The following ZNF211 variants were observed in gnomAD, a reference collection of about 807,000 sequenced individuals.
ZNF211 encodes the protein zinc finger protein C2H2-25.
A neutral mutation model predicts 12.1 loss-of-function variants in ZNF211; 18 were observed. That is an observed-to-expected ratio of 1.48 (90% CI 1.03 to 2.20). ZNF211 has a LOEUF of 2.20. ZNF211 is among the 30% of genes most tolerant of loss of function. ZNF211 has a pLI of 0.00. For synonymous variants in ZNF211, 249 were observed against 246.0 expected, an observed-to-expected ratio of 1.01 and a Z score of -0.11; for missense variants, 677 against 703.1, an observed-to-expected ratio of 0.96 and a Z score of 0.42.
chr19:57,636,178 T>A (rs73064519), intron 3 of ZNF211, among the ~76,000 whole-genome samples: 8,664 of 152,262 alleles, frequency 0.057, 333 homozygotes, highest in South Asian at 0.098. Context: ...AAATGTTTTC[T>A]CTTATTCTGT....
rs1052996049 is a variant in ZNF211 at position 57,643,674 on chromosome 19, CATT to C, written c.*1496_*1498del. ...GGGTTACCAAACCTAGTCAAAAACACATTATACCATCATTATAATTATTACAAT... is the reference window on the plus strand; with the variant it reads ...GGGTTACCAAACCTAGTCAAAAACACATACCATCATTATAATTATTACAAT... On this transcript the variant is annotated 3_prime_UTR_variant, in exon 4 of 4. Transcript: ENST00000240731. 1.8e-4 allele frequency among the ~76,000 whole-genome samples: 27 copies of C among 152,162 alleles called. No individual in the cohort carries two copies. The highest frequency in any genetic ancestry group is 6.3e-4 in the African/African-American group (26 of 41,440).
chr19:57,642,159 T>G lies in ZNF211; in HGVS notation c.1712T>G (p.Val571Gly). 1 of 1,608,628 alleles carries G rather than the reference T, an allele frequency of 6.2e-7. No individual in the cohort carries two copies. The highest frequency in any genetic ancestry group is 8.5e-7 in the Non-Finnish European group (1 of 1,176,442). ...CKSVLIQHQRVHIGEKP is the reference protein window; with the variant it reads ...CKSVLIQHQRGHIGEKP Reference sequence around the variant, plus strand: ...TCTGTCCTCATTCAACACCAGAGAGTTCACATTGGAGAAAAGCCTTAGCTG... The same window carrying G: ...TCTGTCCTCATTCAACACCAGAGAGGTCACATTGGAGAAAAGCCTTAGCTG... Residue 571 changes from valine to glycine, a missense_variant, in exon 4 of 4, where the codon GTT becomes GGT. Transcript: ENST00000240731.
At position 57,633,284 on chromosome 19, in the gene ZNF211, G is replaced by T. The variant is rs1282024140; in HGVS notation, c.-63G>T. 12 of 1,414,828 alleles carry T rather than the reference G, an allele frequency of 8.5e-6. No individual in the cohort carries two copies. The highest frequency in any genetic ancestry group is 1.1e-5 in the Non-Finnish European group (12 of 1,063,998). 87.6% of individuals were successfully genotyped at this position (1,414,828 alleles called of 1,614,324 possible). A position where few individuals can be genotyped will look rare whatever the true frequency, so the allele number is the denominator to read the frequency against. On this transcript the variant is annotated 5_prime_UTR_variant, in exon 1 of 4. Coordinates refer to ENST00000240731, the MANE Select transcript of ZNF211 (RefSeq NM_006385.5). ...GGGATCGAAGTGACGGACCGTGAAGGCGCGAGAGTCAGGTCTGAGGGTCGG... is the reference window on the plus strand; with the variant it reads ...GGGATCGAAGTGACGGACCGTGAAGTCGCGAGAGTCAGGTCTGAGGGTCGG...
Position 57,633,324 on chromosome 19 carries a change from G to T in ZNF211, c.-23G>T. 1 of 1,551,136 alleles carries T rather than the reference G, an allele frequency of 6.4e-7. No individual in the cohort carries two copies. Among genetic ancestry groups the T allele is most frequent in the Non-Finnish European group, 8.7e-7 (1 of 1,151,906 alleles). On this transcript the variant is annotated 5_prime_UTR_variant, in exon 1 of 4. Transcript: ENST00000240731. ...CTGAGGGTCGGGGGCAGAGCCGCCC[G>T]CGAGGCCGGCCTGGGGATAGCGATG...
At chr19:57,635,303 C>T (rs1046404637) in intron 3 of ZNF211, among the ~76,000 whole-genome samples, 6 of 152,166 alleles carry the variant, frequency 3.9e-5, no homozygotes, top group African/African-American at 1.4e-4. Flanking sequence ...TATAGTTCAG[C>T]GCATTTAGTA....
chr19:57,639,918 T>C (rs4801508), intron 3 of ZNF211: 245,517 of 1,534,556 alleles, frequency 0.16, 20,646 homozygotes, highest in East Asian at 0.3. Context: ...TTAGGACTTA[T>C]ATCATCCTGG....
intron 3 of ZNF211, among the ~76,000 whole-genome samples, chr19:57,636,064 T>C (rs915005524): frequency 9.2e-5 from 14 of 152,160 alleles, no homozygotes; most frequent in African/African-American, 3.1e-4. Flanking sequence ...ATTTTTAAAT[T>C]AGGTTTTATT....
chr19:57,637,077 T>G (rs1599958663), intron 3 of ZNF211, among the ~76,000 whole-genome samples: 1 of 152,248 alleles, frequency 6.6e-6, no homozygotes, highest in African/African-American at 2.4e-5. Context: ...TTATTAGTTG[T>G]AACAGTTTTT....
rs1349157467 is a variant in ZNF211, at chr19:57,633,979, C to T, written c.91-44C>T. ...ACAGGGAAGGCCTGTGCCCATGGAG[C>T]ACTGCCATGATCACATTCCTCTGAG... On this transcript the variant is annotated intron_variant, in intron 1 of 3. Coordinates refer to ENST00000240731, the MANE Select transcript of ZNF211 (RefSeq NM_006385.5). The T allele has an allele frequency of 1.9e-6, 3 of 1,597,400 alleles. No homozygotes were observed. The African/African-American group carries it at 4.0e-5, about 21-fold the overall frequency.
At chr19:57,639,838 C>T in intron 3 of ZNF211, 1 of 1,395,160 alleles carries the variant, frequency 7.2e-7, no homozygotes, top group Non-Finnish European at 9.5e-7. Context: ...ACTTCTTTAA[C>T]TTTCCTTGTT....
In ZNF211 at chr19:57,633,280, G is replaced by C; in HGVS notation, c.-67G>C. ...CATCGGGATCGAAGTGACGGACCGT[G>C]AAGGCGCGAGAGTCAGGTCTGAGGG... On this transcript the variant is annotated 5_prime_UTR_variant, in exon 1 of 4. Coordinates refer to ENST00000240731, the MANE Select transcript of ZNF211 (RefSeq NM_006385.5). 7.1e-7 allele frequency: 1 copy of C among 1,404,106 alleles called. No homozygotes were observed. The highest frequency in any genetic ancestry group is 1.4e-5 in the African/African-American group (1 of 69,162). 87.0% of individuals were successfully genotyped at this position (1,404,106 alleles called of 1,614,324 possible).
rs1568648558 is a variant in ZNF211, at chr19:57,643,026, CT to C, written c.*846del. ...ACTGGATGCAAGGATTTTTTGTGGG[CT>C]CAAAGGACACCCTGAGGAAGTGGGA... On this transcript the variant is annotated 3_prime_UTR_variant, in exon 4 of 4. Transcript: ENST00000240731. Among the ~76,000 whole-genome samples, 1 of 151,992 alleles carries C rather than the reference CT, an allele frequency of 6.6e-6. No individual in the cohort carries two copies. Among genetic ancestry groups the C allele is most frequent in the Non-Finnish European group, 1.5e-5 (1 of 67,992 alleles).
Position 57,642,268 on chromosome 19 carries a change from C to A in ZNF211, c.*87C>A. 1 of 1,416,798 alleles carries A rather than the reference C, an allele frequency of 7.1e-7. No individual in the cohort carries two copies. The highest frequency in any genetic ancestry group is 1.4e-5 in the South Asian group (1 of 71,180). The allele number at this position is 1,416,798 out of a possible 1,614,324, so 87.8% of individuals were successfully genotyped here. ...AGAGACAAGTACCTGATTTGGAAGC[C>A]CCAACATCTAAGGATATACAGTGGG... On this transcript the variant is annotated 3_prime_UTR_variant, in exon 4 of 4. Transcript: ENST00000240731.
chr19:57,640,083 G>A (rs765220611), intron 3 of ZNF211: 36 of 1,533,016 alleles, frequency 2.3e-5, no homozygotes, highest in South Asian at 2.3e-4. Context: ...TGTTTAAATT[G>A]CACCAGGAAC....
At chr19:57,640,293 A>G (rs1269907730) in intron 3 of ZNF211, among the ~76,000 whole-genome samples, 1 of 152,066 alleles carries the variant, frequency 6.6e-6, no homozygotes, top group Non-Finnish European at 1.5e-5. Context: ...AGTGTTCTTT[A>G]ATATTATTTT....
At chr19:57,637,016 G>A (rs955491679) in intron 3 of ZNF211, among the ~76,000 whole-genome samples, 1 of 152,126 alleles carries the variant, frequency 6.6e-6, no homozygotes, top group African/African-American at 2.4e-5. Context: ...GTATAGAAAC[G>A]TAACTGATTT....
Position 57,643,081 on chromosome 19 carries a change from A to G in ZNF211, c.*900A>G, listed in dbSNP as rs968651509. 1.5e-4 allele frequency among the ~76,000 whole-genome samples: 23 copies of G among 152,226 alleles called. No homozygotes were observed. The highest frequency in any genetic ancestry group is 5.3e-4 in the African/African-American group (22 of 41,556). ...TGTGACAAATTCCATTGCTTCTGGG[A>G]ACAAGATGAATTTTGTTGTTATTCA... On this transcript the variant is annotated 3_prime_UTR_variant, in exon 4 of 4. Transcript: ENST00000240731.
chr19:57,637,491 G>A (rs765787332), intron 3 of ZNF211, among the ~76,000 whole-genome samples: 1 of 152,158 alleles, frequency 6.6e-6, no homozygotes, highest in Non-Finnish European at 1.5e-5. Context: ...CTGGCCGCAA[G>A]CGATCCTCCT....
rs909308187 is a variant in ZNF211 at position 57,643,963 on chromosome 19, C to G, written c.*1782C>G. Among the ~76,000 whole-genome samples the G allele has an allele frequency of 6.6e-6, 1 of 152,068 alleles. No individual in the cohort carries two copies. Among genetic ancestry groups the G allele is most frequent in the African/African-American group, 2.4e-5 (1 of 41,418 alleles). ...GAGTGGTATATTTTTTATGGATATA[C>G]TATTTGTTATCCATTTGTTTATAAG... is the stretch of plus-strand genomic sequence containing the variant. On this transcript the variant is annotated 3_prime_UTR_variant, in exon 4 of 4. Transcript: ENST00000240731.
Sources: gnomAD v4.1 joint callset for allele counts (sites outside exome capture counted in the v4.1 genomes callset) on GRCh38, gnomAD v4.1.1 for gene constraint, MANE v1.5 for transcripts, NCBI Gene and HGNC (gene_info 2026-07-23, HGNC 2026-07-21) for gene names.